PCNT: variants seen among roughly 807,000 people sequenced by gnomAD.
The protein encoded by PCNT is pericentrin.
Under a neutral mutation model 380.4 loss-of-function variants are expected in PCNT, and 319 were observed. The observed-to-expected ratio is 0.84, with a 90% CI of 0.77 to 0.92. The LOEUF is 0.92. PCNT is among the 40% of genes least tolerant of loss of function. PCNT has a pLI of 0.00. For synonymous variants in PCNT, 1,845 were observed against 1,735.2 expected, an observed-to-expected ratio of 1.06 and a Z score of -1.57; for missense variants, 4,400 against 4,255.3, an observed-to-expected ratio of 1.03 and a Z score of -0.95.
chr21:46,372,958 C>G (rs1010795784), intron 15 of PCNT, among the ~76,000 whole-genome samples: 1 of 152,210 alleles, frequency 6.6e-6, no homozygotes, highest in Non-Finnish European at 1.5e-5. Flanking sequence ...AGGAGGTGTT[C>G]GTTTTCTGAA....
At chr21:46,351,688 G>A (rs1436449613) in intron 9 of PCNT, 148 bp downstream of exon 9, 1 of 699,100 alleles carries the variant, frequency 1.4e-6, no homozygotes, top group Admixed American at 2.0e-5. Context: ...GAGGTGTCTG[G>A]TTTGAAAGTG....
rs145665841 is a variant in PCNT at position 46,402,426 on chromosome 21, G to A, written c.5058G>A (p.Gln1686=). Residue 1686 remains glutamine, a synonymous_variant, in exon 27 of 47, where the codon CAG becomes CAA. Coordinates refer to ENST00000359568, the MANE Select transcript of PCNT (RefSeq NM_006031.6). ...ILHLNLKLDM[Q]NSQTAVSLRE... ...ATCTGAACTTAAAATTGGACATGCAGAACAGCCAGACTGCTGTCAGCCTCA... is the reference window on the plus strand; with the variant it reads ...ATCTGAACTTAAAATTGGACATGCAAAACAGCCAGACTGCTGTCAGCCTCA... 1 of 1,613,992 alleles carries A rather than the reference G, an allele frequency of 6.2e-7. No individual in the cohort carries two copies. Among genetic ancestry groups the A allele is most frequent in the Non-Finnish European group, 8.5e-7 (1 of 1,179,858 alleles).
chr21:46,373,492 C>T (rs1183491069), intron 15 of PCNT, among the ~76,000 whole-genome samples: 20 of 136,966 alleles, frequency 1.5e-4, no homozygotes, highest in South Asian at 2.3e-4. Flanking sequence ...AGTGCAGTGG[C>T]GTGATCTTGG....
chr21:46,417,279 C>T lies in PCNT; in HGVS notation c.6921+440C>T, dbSNP rs566311260. Among the ~76,000 whole-genome samples, 234 of 149,796 alleles carry T rather than the reference C, an allele frequency of 1.6e-3. 4 individuals are homozygous for T. The South Asian group carries it at 0.02, about 13-fold the overall frequency. ...CGCAATCTCGGCTCACTGCAGCCTC[C>T]GCCTCCCCAGGTTCAAGCAAATCTC... is the stretch of plus-strand genomic sequence containing the variant. On this transcript the variant is annotated intron_variant, in intron 30 of 46. Transcript: ENST00000359568.
chr21:46,373,088 A>G (rs2085206450), intron 15 of PCNT, among the ~76,000 whole-genome samples: 1 of 152,180 alleles, frequency 6.6e-6, no homozygotes, highest in East Asian at 1.9e-4. Context: ...TGATGCAACC[A>G]CAGCTCACTG....
chr21:46,365,619 G>T (rs759100945), intron 14 of PCNT, among the ~76,000 whole-genome samples: 1 of 146,754 alleles, frequency 6.8e-6, no homozygotes, highest in Non-Finnish European at 1.5e-5. Context: ...TCACTGCCGT[G>T]GGGTTCTGAT....
At chr21:46,402,934 G>A (rs1009102096) in intron 27 of PCNT, among the ~76,000 whole-genome samples, 8 of 152,198 alleles carry the variant, frequency 5.3e-5, no homozygotes, top group Non-Finnish European at 1.2e-4. Flanking sequence ...CATAGTAGGT[G>A]TATATTAAAA....
intron 3 of PCNT, among the ~76,000 whole-genome samples, chr21:46,341,842 C>A (rs1431321546): frequency 6.6e-6 from 1 of 151,950 alleles, no homozygotes; most frequent in African/African-American, 2.4e-5. Context: ...CCATGCCTGG[C>A]AAATTTTTAA....
At chr21:46,414,165 T>C (rs2086915393) in intron 29 of PCNT, among the ~76,000 whole-genome samples, 1 of 152,094 alleles carries the variant, frequency 6.6e-6, no homozygotes, top group African/African-American at 2.4e-5. Flanking sequence ...CTGATTTTTG[T>C]ATTTTTAGTA....
Position 46,366,676 on chromosome 21 carries a change from TGCAGCTCCTCCAGGAGAGACACCAGCA to T in PCNT, c.2712_2738del (p.Gln905_Leu913del). On this transcript the variant is annotated inframe_deletion, in exon 15 of 47. Transcript: ENST00000359568. ...GCCCAGGAGCAGCATGCCCGTGAGC[TGCAGCTCCTCCAGGAGAGACACCAGCA>T]GCAGCTCCTGTCAGTGACGGCGGAG... is the stretch of plus-strand genomic sequence containing the variant. 6.2e-7 allele frequency: 1 copy of T among 1,613,728 alleles called. No individual in the cohort carries two copies. The highest frequency in any genetic ancestry group is 8.5e-7 in the Non-Finnish European group (1 of 1,179,990).
chr21:46,355,700 C>T, intron 12 of PCNT, 74 bp downstream of exon 12: 2 of 1,504,236 alleles, frequency 1.3e-6, no homozygotes, highest in Non-Finnish European at 1.8e-6. Flanking sequence ...GCCTGGGTGC[C>T]TGGGTTCGAT....
chr21:46,391,472 G>C, intron 21 of PCNT, 96 bp downstream of exon 21: 1 of 1,040,094 alleles, frequency 9.6e-7, no homozygotes, highest in Non-Finnish European at 1.4e-6. Flanking sequence ...AGTGTCTCTA[G>C]AGGGTCAAGT....
At chr21:46,333,644 T>G (rs1481126965) in intron 2 of PCNT, among the ~76,000 whole-genome samples, 1 of 150,706 alleles carries the variant, frequency 6.6e-6, no homozygotes, top group African/African-American at 2.4e-5. Flanking sequence ...CTCACACCTG[T>G]AATCCCAGCA....
In PCNT at chr21:46,427,509, C is replaced by T. The variant is rs1008469894; in HGVS notation, c.7321-113C>T. 13 of 1,203,124 alleles carry T rather than the reference C, an allele frequency of 1.1e-5. No individual in the cohort carries two copies. The African/African-American group carries it at 1.2e-4, about 11-fold the overall frequency. The allele number at this position is 1,203,124 out of a possible 1,614,324, so 74.5% of individuals were successfully genotyped here. On this transcript the variant is annotated intron_variant, in intron 33 of 46. Transcript: ENST00000359568. ...CCTCTTCTTAAGAGGCCTCATTTAC[C>T]CTGAATCACCTCCCGCAGGCCCCAT... is the stretch of plus-strand genomic sequence containing the variant.
intron 13 of PCNT, among the ~76,000 whole-genome samples, chr21:46,358,401 C>T (rs1273227467): frequency 6.6e-6 from 1 of 152,232 alleles, no homozygotes; most frequent in Non-Finnish European, 1.5e-5. Flanking sequence ...CTATGATGAC[C>T]TGCAAGTCTG....
chr21:46,418,481 G>A (rs919830450), intron 31 of PCNT, among the ~76,000 whole-genome samples, 175 bp downstream of exon 31: 2 of 152,178 alleles, frequency 1.3e-5, no homozygotes, highest in African/African-American at 4.8e-5. Flanking sequence ...CTGAAAACAC[G>A]CCTGTACCTT....
intron 21 of PCNT, chr21:46,394,564 G>T: frequency 1.0e-6 from 1 of 980,906 alleles, no homozygotes; most frequent in Non-Finnish European, 1.2e-6. Flanking sequence ...ATTGATTTGT[G>T]TGTGACGTGC....
chr21:46,363,806 C>T lies in PCNT; in HGVS notation c.2481C>T (p.Asp827=), dbSNP rs373056051. Residue 827 remains aspartate (D), a synonymous_variant, in exon 14 of 47, where the codon GAC becomes GAT. Transcript: ENST00000359568. Reference sequence around the variant, plus strand: ...GCCGCCTGCAGCAGCTGGAACAGGACCTCACTTCAGACGACGCCCTGCATT... The same window carrying T: ...GCCGCCTGCAGCAGCTGGAACAGGATCTCACTTCAGACGACGCCCTGCATT... ...QQGRLQQLEQ[D]LTSDDALHCS... The T allele has an allele frequency of 1.9e-6, 3 of 1,613,074 alleles. No homozygotes were observed. In the African/African-American group the frequency reaches 4.0e-5, roughly 22 times the overall value.
At chr21:46,444,952 ATAGTAT>A in intron 46 of PCNT, 131 bp downstream of exon 46, 1 of 851,144 alleles carries the variant, frequency 1.2e-6, no homozygotes, top group Non-Finnish European at 2.0e-6. Flanking sequence ...AGTGTCACTA[ATAGTAT>A]TAGAATAGAG....
Sources: allele counts gnomAD v4.1 joint callset (sites outside exome capture counted in the v4.1 genomes callset), GRCh38; gene constraint gnomAD v4.1.1; transcripts MANE v1.5; gene names NCBI Gene and HGNC (gene_info 2026-07-23, HGNC 2026-07-21).